OR2L13: variants seen among roughly 807,000 people sequenced by gnomAD.
The protein encoded by OR2L13 is olfactory receptor family 2 subfamily L member 13.
In OR2L13, 14 loss-of-function variants were observed where a neutral mutation model predicts 15.3. That is an observed-to-expected ratio of 0.91 (90% confidence interval 0.60 to 1.43). The LOEUF (loss-of-function observed/expected upper bound fraction) is 1.43, where lower values mean the gene tolerates loss of function less well. Among genes scored for constraint, OR2L13 ranks in the 40% most tolerant of loss-of-function variants. The pLI is 0.00. For missense variants in OR2L13, 367 were observed against 387.9 expected (o/e 0.95, Z 0.45); for synonymous variants, 152 against 142.9 (o/e 1.06, Z -0.45).
At chr1:248,017,563 G>A in the OR2L13 span, among the ~76,000 whole-genome samples, 72 of 152,322 alleles carry the variant, frequency 4.7e-4, no homozygotes, top group Admixed American at 2.4e-3. Flanking sequence ...AGCAGGACAG[G>A]CTTCTGCCTT....
chr1:247,978,786 C>T, the OR2L13 span, among the ~76,000 whole-genome samples: 6 of 151,838 alleles, frequency 4.0e-5, no homozygotes, highest in East Asian at 3.9e-4. Context: ...CCTTGTGTTG[C>T]GTAGGAGCTC....
At chr1:247,985,982 T>C in the OR2L13 span, among the ~76,000 whole-genome samples, 1 of 152,212 alleles carries the variant, frequency 6.6e-6, no homozygotes, top group African/African-American at 2.4e-5. Flanking sequence ...TAAATTAGTT[T>C]GAGTTCATTG....
the OR2L13 span, chr1:248,061,867 A>C: frequency 3.0e-6 from 1 of 331,718 alleles, no homozygotes; most frequent in Non-Finnish European, 5.4e-6. Flanking sequence ...TATGTTGTCA[A>C]TGAGAATTTT....
At chr1:248,099,915 C>A in exon 3 of OR2L13, 1 of 1,614,168 alleles carries the variant, frequency 6.2e-7, no homozygotes, top group Non-Finnish European at 8.5e-7. Context: ...TCTGCGATGT[C>A]CCAGCCATGT....
chr1:248,067,368 T>A, the OR2L13 span, among the ~76,000 whole-genome samples: 1 of 152,226 alleles, frequency 6.6e-6, no homozygotes, highest in East Asian at 1.9e-4. Context: ...ATTGCTGAGT[T>A]TAATTGTTCC....
At chr1:247,959,419 T>C in the OR2L13 span, among the ~76,000 whole-genome samples, 1 of 152,320 alleles carries the variant, frequency 6.6e-6, no homozygotes. Context: ...CATTTGCTTT[T>C]CTTGGAGTTG....
chr1:248,009,988 ATAAGC>A, the OR2L13 span, among the ~76,000 whole-genome samples: 1 of 152,188 alleles, frequency 6.6e-6, no homozygotes, highest in East Asian at 1.9e-4. Context: ...AAAACTCTCA[ATAAGC>A]TAGGTGTTCA....
the OR2L13 span, among the ~76,000 whole-genome samples, chr1:247,954,215 T>C: frequency 6.6e-6 from 1 of 152,230 alleles, no homozygotes; most frequent in Admixed American, 6.5e-5. Context: ...GTAAGATTTA[T>C]GTCAACCACC....
the OR2L13 span, among the ~76,000 whole-genome samples, chr1:247,983,983 T>C: frequency 6.6e-6 from 1 of 152,092 alleles, no homozygotes; most frequent in Admixed American, 6.6e-5. Context: ...TTCTGATGTC[T>C]TTTCTACCCG....
At chr1:247,976,682 A>G in the OR2L13 span, among the ~76,000 whole-genome samples, 1 of 152,186 alleles carries the variant, frequency 6.6e-6, no homozygotes, top group South Asian at 2.1e-4. Flanking sequence ...AGTTCCTAGA[A>G]CTATCTAATT....
At chr1:247,948,017 C>T in the OR2L13 span, among the ~76,000 whole-genome samples, 1 of 152,070 alleles carries the variant, frequency 6.6e-6, no homozygotes, top group African/African-American at 2.4e-5. Context: ...GGGTTCAAAA[C>T]CAGCCTGAGA....
chr1:248,087,705 G>A, the OR2L13 span, among the ~76,000 whole-genome samples: 1 of 152,106 alleles, frequency 6.6e-6, no homozygotes, highest in Non-Finnish European at 1.5e-5. Flanking sequence ...TATCATCTTT[G>A]GCAAGGGAAT....
chr1:248,022,316 G>T, the OR2L13 span: 3 of 1,614,080 alleles, frequency 1.9e-6, no homozygotes, highest in African/African-American at 4.0e-5. Flanking sequence ...ATCGTTATGT[G>T]GCCATTTGCT....
chr1:248,069,082 T>G, the OR2L13 span, among the ~76,000 whole-genome samples: 8 of 152,128 alleles, frequency 5.3e-5, no homozygotes, highest in Non-Finnish European at 1.2e-4. Context: ...TTCCCCAATC[T>G]AGCAAGGCAG....
chr1:247,962,544 C>T, the OR2L13 span, among the ~76,000 whole-genome samples: 17 of 152,172 alleles, frequency 1.1e-4, no homozygotes, highest in African/African-American at 4.1e-4. Context: ...TGGTTTATCC[C>T]TATTTGCCCT....
At chr1:247,984,259 T>A in the OR2L13 span, among the ~76,000 whole-genome samples, 2 of 151,350 alleles carry the variant, frequency 1.3e-5, no homozygotes, top group Non-Finnish European at 2.9e-5. Context: ...TTATTATTTT[T>A]AAATGAGGTA....
the OR2L13 span, among the ~76,000 whole-genome samples, chr1:248,050,274 A>G: frequency 1.4e-3 from 208 of 152,202 alleles, 1 homozygote; most frequent in Non-Finnish European, 2.4e-3. Flanking sequence ...AAAAAAAAAA[A>G]GTAAAAGCAA....
chr1:248,012,865 A>G, the OR2L13 span, among the ~76,000 whole-genome samples: 1 of 151,986 alleles, frequency 6.6e-6, no homozygotes. Context: ...TAAATGGACT[A>G]ATGCTACTTT....
chr1:248,033,000 A>C, the OR2L13 span, among the ~76,000 whole-genome samples: 16 of 152,322 alleles, frequency 1.1e-4, no homozygotes, highest in East Asian at 3.1e-3. Flanking sequence ...CCTATTGTAA[A>C]TCAAGGAGCA....
Sources: allele counts gnomAD v4.1 joint callset (sites outside exome capture counted in the v4.1 genomes callset), GRCh38; gene constraint gnomAD v4.1.1; transcripts MANE v1.5; gene names NCBI Gene and HGNC (gene_info 2026-07-23, HGNC 2026-07-21).